SBNO1: variants seen among roughly 807,000 people sequenced by gnomAD.
SBNO1 encodes the protein protein strawberry notch homolog 1.
A neutral mutation model predicts 173.6 loss-of-function variants in SBNO1; 23 were observed. The ratio of observed to expected loss-of-function variants is 0.13; its 90% CI spans 0.10 to 0.19. SBNO1 has a LOEUF of 0.19. Ranked by LOEUF, SBNO1 falls within the 10% of genes least tolerant of loss-of-function variation. SBNO1 has a pLI of 1.00. For synonymous variants in SBNO1, 632 were observed against 571.5 expected, an observed-to-expected ratio of 1.11 and a Z score of -1.51; for missense variants, 1,238 against 1,671.2, an observed-to-expected ratio of 0.74 and a Z score of 4.52.
At chr12:123,326,762 C>G (rs1870652866) in intron 13 of SBNO1, among the ~76,000 whole-genome samples, 1 of 151,996 alleles carries the variant, frequency 6.6e-6, no homozygotes, top group East Asian at 1.9e-4. Context: ...CTCATCTCTA[C>G]CAAAAAATAC....
At chr12:123,328,094 G>GA in intron 10 of SBNO1, 67 bp from the exon 11 acceptor site, 2 of 1,330,354 alleles carry the variant, frequency 1.5e-6, no homozygotes, top group Non-Finnish European at 2.1e-6. Flanking sequence ...CTTTCAAGAA[G>GA]AGTTAACTTT....
At chr12:123,338,050 G>A (rs1368919720) in intron 5 of SBNO1, among the ~76,000 whole-genome samples, 2 of 152,098 alleles carry the variant, frequency 1.3e-5, no homozygotes, top group East Asian at 1.9e-4. Flanking sequence ...GAGATAACTC[G>A]GGTGAGGGAG....
chr12:123,353,936 G>A (rs1184594659), intron 1 of SBNO1, among the ~76,000 whole-genome samples: 1 of 152,138 alleles, frequency 6.6e-6, no homozygotes, highest in Non-Finnish European at 1.5e-5. Flanking sequence ...AGCCCCTGCA[G>A]GCCACAGGAT....
chr12:123,315,296 A>C, intron 23 of SBNO1, 77 bp downstream of exon 23: 2 of 1,138,964 alleles, frequency 1.8e-6, no homozygotes, highest in Non-Finnish European at 2.6e-6. Context: ...TTAGACAGTA[A>C]CTACTTTCCT....
intron 7 of SBNO1, among the ~76,000 whole-genome samples, chr12:123,333,671 T>A (rs910546570): frequency 1.3e-5 from 2 of 151,944 alleles, no homozygotes; most frequent in African/African-American, 4.8e-5. Context: ...TAATTTTTTG[T>A]ATTTTTCGTA....
chr12:123,334,267 C>T (rs1871566402), intron 6 of SBNO1, 54 bp from the exon 7 acceptor site: 1 of 1,028,532 alleles, frequency 9.7e-7, no homozygotes, highest in East Asian at 2.8e-5. Flanking sequence ...AATAACATTT[C>T]CAGTTTCATT....
chr12:123,360,665 G>T (rs1875040723), intron 1 of SBNO1, among the ~76,000 whole-genome samples: 1 of 151,836 alleles, frequency 6.6e-6, no homozygotes, highest in African/African-American at 2.4e-5. Flanking sequence ...GGATGGTATG[G>T]ATCTCCTCAC....
chr12:123,362,394 C>T (rs906958617), intron 1 of SBNO1, among the ~76,000 whole-genome samples: 7 of 119,482 alleles, frequency 5.9e-5, no homozygotes, highest in Admixed American at 1.1e-4. Context: ...AGAGATCGTG[C>T]CACTGCACTC....
chr12:123,315,872 T>A (rs1007144079), intron 21 of SBNO1, among the ~76,000 whole-genome samples: 1 of 152,214 alleles, frequency 6.6e-6, no homozygotes, highest in Non-Finnish European at 1.5e-5. Flanking sequence ...AACCACATGT[T>A]ACTGATGCAC....
At chr12:123,344,433 CATAAAAACCAGATGATCTGAAA>C (rs1429254464) in intron 4 of SBNO1, among the ~76,000 whole-genome samples, 1 of 152,180 alleles carries the variant, frequency 6.6e-6, no homozygotes, top group African/African-American at 2.4e-5. Flanking sequence ...TGGACCCAAA[CATAAAAACCAGATGATCTGAAA>C]ATTTTAATGA....
intron 5 of SBNO1, among the ~76,000 whole-genome samples, chr12:123,338,355 C>T (rs892243574): frequency 1.1e-4 from 16 of 151,942 alleles, no homozygotes; most frequent in African/African-American, 3.9e-4. Flanking sequence ...GAGTTCAAGA[C>T]CAGCCTGGCC....
intron 21 of SBNO1, among the ~76,000 whole-genome samples, chr12:123,316,703 CTTTTTT>C (rs545944754): frequency 1.9e-4 from 23 of 123,888 alleles, no homozygotes; most frequent in East Asian, 7.7e-4. Flanking sequence ...TTTTCTTCTT[CTTTTTT>C]TTTTTTTTTT....
Position 123,289,763 on chromosome 12 carries a change from G to A in SBNO1, c.*6145C>T, listed in dbSNP as rs1047860300. 3.9e-5 allele frequency: 6 copies of A among 152,300 alleles called. No homozygotes were observed. Among genetic ancestry groups the A allele is most frequent in the Middle Eastern group, 3.4e-3 (1 of 296 alleles). The allele number at this position is 152,300 out of a possible 1,614,324, so 9.4% of individuals were successfully genotyped here. Reference sequence around the variant, plus strand: ...ATGAACAGGATATTTTTCTGATAGCGGTGAGACTGCAATGTGCTATGTAGA... The same window carrying A: ...ATGAACAGGATATTTTTCTGATAGCAGTGAGACTGCAATGTGCTATGTAGA... On this transcript the variant is annotated 3_prime_UTR_variant, in exon 32 of 32. Coordinates refer to ENST00000602398, the MANE Select transcript of SBNO1 (RefSeq NM_001167856.3).
At chr12:123,327,190 T>C (rs1406344759) in intron 13 of SBNO1, among the ~76,000 whole-genome samples, 1 of 151,920 alleles carries the variant, frequency 6.6e-6, no homozygotes, top group Non-Finnish European at 1.5e-5. Context: ...TTCGTATTTT[T>C]AGTAGAGATG....
At chr12:123,325,473 C>A in intron 15 of SBNO1, 29 bp downstream of exon 15, 1 of 1,522,834 alleles carries the variant, frequency 6.6e-7, no homozygotes, top group Non-Finnish European at 9.1e-7. Context: ...CAAAAAGAAA[C>A]AAAAACATTA....
intron 4 of SBNO1, among the ~76,000 whole-genome samples, chr12:123,344,234 C>A (rs1278764362): frequency 6.6e-6 from 1 of 152,204 alleles, no homozygotes; most frequent in Non-Finnish European, 1.5e-5. Context: ...CCCTGCACCT[C>A]AGCCAGGTCA....
At chr12:123,358,063 G>GT (rs1468574602) in intron 1 of SBNO1, among the ~76,000 whole-genome samples, 1 of 152,166 alleles carries the variant, frequency 6.6e-6, no homozygotes, top group Admixed American at 6.5e-5. Context: ...GTGACTCAGG[G>GT]TTTTTTGGAT....
At chr12:123,309,894 T>C (rs563927739) in intron 25 of SBNO1, 38 bp from the exon 26 acceptor site, 5 of 1,505,136 alleles carry the variant, frequency 3.3e-6, no homozygotes, top group Admixed American at 4.3e-5. Context: ...ATGCAAATGA[T>C]AATTAAAAAT....
chr12:123,317,187 T>A (rs1341710855), intron 21 of SBNO1, 34 bp downstream of exon 21: 1 of 1,610,102 alleles, frequency 6.2e-7, no homozygotes. Flanking sequence ...TTCCTAGCTA[T>A]CCATTAAGTG....
Sources: gnomAD v4.1 joint callset for allele counts (sites outside exome capture counted in the v4.1 genomes callset) on GRCh38, gnomAD v4.1.1 for gene constraint, MANE v1.5 for transcripts, NCBI Gene and HGNC (gene_info 2026-07-23, HGNC 2026-07-21) for gene names.